CAPS2: variants seen among roughly 807,000 people sequenced by gnomAD.
CAPS2 encodes calcyphosine 2.
A neutral mutation model predicts 86.5 loss-of-function variants in CAPS2; 98 were observed. The observed-to-expected ratio is 1.13, with a 90% confidence interval of 0.96 to 1.34. The LOEUF (loss-of-function observed/expected upper bound fraction) is 1.34, where lower values mean the gene tolerates loss of function less well. Among genes scored for constraint, CAPS2 ranks in the 40% most tolerant of loss-of-function variants. The probability of loss-of-function intolerance (pLI) is 0.00; values close to 1 mark genes in which losing one functional copy is unlikely to be tolerated. For synonymous variants in CAPS2, 210 were observed against 225.1 expected, an observed-to-expected ratio of 0.93 and a Z score of 0.60; for missense variants, 729 against 686.8, an observed-to-expected ratio of 1.06 and a Z score of -0.69.
Position 75,316,169 on chromosome 12 carries a change from TGAG to T in CAPS2, c.591+140_591+142del, listed in dbSNP as rs2039737957. 3.9e-6 allele frequency: 4 copies of T among 1,014,004 alleles called. No homozygotes were observed. The South Asian group carries it at 7.0e-5, about 18-fold the overall frequency. The allele number at this position is 1,014,004 out of a possible 1,614,324, so 62.8% of individuals were successfully genotyped here. On this transcript the variant is annotated intron_variant, in intron 6 of 16. Coordinates refer to ENST00000393284, the Ensembl canonical transcript of CAPS2. ...AATACAATTCAATCATTTATAAAAA[TGAG>T]GACTCAATTTTCCATTAATGAATAT...
Position 75,319,107 on chromosome 12 carries a change from CACATA to C in CAPS2, c.468+2288_468+2292del, listed in dbSNP as rs563414947. ...TCATTATTTTAAAAATATATATGTA[CACATA>C]AGTTTGCATTTTAGGTAACAAAACA... On this transcript the variant is annotated intron_variant, in intron 5 of 16. Transcript: ENST00000393284. 4.1e-3 allele frequency among the ~76,000 whole-genome samples: 625 copies of C among 152,156 alleles called. 3 individuals carry two copies. Among genetic ancestry groups the C allele is most frequent in the African/African-American group, 0.014 (599 of 41,528 alleles).
intron 1 of CAPS2, among the ~76,000 whole-genome samples, chr12:75,366,242 C>A (rs1001586019): frequency 6.6e-6 from 1 of 152,002 alleles, no homozygotes; most frequent in African/African-American, 2.4e-5. Flanking sequence ...ATAGAAAGAT[C>A]CCATTTTTTA....
chr12:75,341,849 A>C (rs11180469), intron 1 of CAPS2, among the ~76,000 whole-genome samples: 1 of 146,718 alleles, frequency 6.8e-6, no homozygotes. Context: ...TCCTAGGTTC[A>C]AGCAATTCTC....
intron 1 of CAPS2, among the ~76,000 whole-genome samples, chr12:75,381,769 C>A (rs1004751657): frequency 1.3e-5 from 2 of 151,926 alleles, no homozygotes; most frequent in East Asian, 3.9e-4. Context: ...CATGTGTCAC[C>A]ATGCCCAGCT....
At chr12:75,381,817 G>T (rs113689330) in intron 1 of CAPS2, among the ~76,000 whole-genome samples, 1 of 151,960 alleles carries the variant, frequency 6.6e-6, no homozygotes, top group African/African-American at 2.4e-5. Flanking sequence ...GTTTCACCAT[G>T]TTGGTCAGGA....
chr12:75,363,386 C>T (rs1566004505), intron 1 of CAPS2, among the ~76,000 whole-genome samples: 1 of 152,110 alleles, frequency 6.6e-6, no homozygotes, highest in Non-Finnish European at 1.5e-5. Flanking sequence ...ATTACTCCCC[C>T]TCTGAAGCTA....
At chr12:75,324,189 A>G (rs2040559590) in intron 2 of CAPS2, among the ~76,000 whole-genome samples, 1 of 152,212 alleles carries the variant, frequency 6.6e-6, no homozygotes, top group Non-Finnish European at 1.5e-5. Context: ...AGTAAATAAA[A>G]ATATTAACCA....
intron 1 of CAPS2, among the ~76,000 whole-genome samples, chr12:75,367,618 A>G (rs1307911547): frequency 6.6e-6 from 1 of 152,030 alleles, no homozygotes; most frequent in African/African-American, 2.4e-5. Context: ...AATTGATTTT[A>G]TTGCCTTAAA....
At chr12:75,342,324 A>G (rs1391046457) in intron 1 of CAPS2, among the ~76,000 whole-genome samples, 1 of 152,238 alleles carries the variant, frequency 6.6e-6, no homozygotes, top group Non-Finnish European at 1.5e-5. Context: ...TACCAATGTC[A>G]ATTTCTTATT....
Position 75,278,149 on chromosome 12 carries a change from T to G in CAPS2, c.*741A>C, listed in dbSNP as rs997287756. ...ATATTGCTCAATAACAATCGTATGCTGGTAAAAAGGATTACAGTTAAAAAG... is the reference window on the plus strand; with the variant it reads ...ATATTGCTCAATAACAATCGTATGCGGGTAAAAAGGATTACAGTTAAAAAG... On this transcript the variant is annotated 3_prime_UTR_variant, in exon 17 of 17. Transcript: ENST00000393284. 4 of 944,856 alleles carry G rather than the reference T, an allele frequency of 4.2e-6. No individual in the cohort carries two copies. In the African/African-American group the frequency reaches 5.3e-5, roughly 13 times the overall value. 58.5% of individuals were successfully genotyped at this position (944,856 alleles called of 1,614,324 possible).
upstream of CAPS2, chr12:75,334,924 G>T (rs1442492230): frequency 1.9e-6 from 3 of 1,606,774 alleles, no homozygotes; most frequent in East Asian, 4.5e-5. Flanking sequence ...CCAGGGCTGG[G>T]CTCTTAAATC....
At chr12:75,359,361 T>A (rs2043403353) in intron 1 of CAPS2, among the ~76,000 whole-genome samples, 3 of 130,436 alleles carry the variant, frequency 2.3e-5, no homozygotes, top group African/African-American at 8.7e-5. Context: ...TGTTGTCTTT[T>A]TTTTTTTTTT....
intron 1 of CAPS2, chr12:75,366,735 C>T: frequency 1.6e-6 from 1 of 607,252 alleles, no homozygotes. Flanking sequence ...GGTGAGACTG[C>T]AGTGTTTTAC....
intron 13 of CAPS2, among the ~76,000 whole-genome samples, chr12:75,291,033 C>T (rs557158326): frequency 3.9e-5 from 6 of 152,116 alleles, no homozygotes; most frequent in African/African-American, 1.4e-4. Context: ...ACTGTCTAAT[C>T]GAGTCTACCA....
At chr12:75,345,097 T>A (rs973193392) in intron 1 of CAPS2, among the ~76,000 whole-genome samples, 4 of 152,102 alleles carry the variant, frequency 2.6e-5, no homozygotes, top group African/African-American at 9.7e-5. Flanking sequence ...TGTGTCACTG[T>A]ACAATTCTCA....
exon 16 of CAPS2, chr12:75,282,315 G>T (rs1287257924): frequency 6.2e-7 from 1 of 1,606,234 alleles, no homozygotes; most frequent in Admixed American, 1.7e-5. Context: ...TAGGCACACT[G>T]CCACTTTTGT....
intron 15 of CAPS2, among the ~76,000 whole-genome samples, chr12:75,283,813 CAAAA>C (rs1470297894): frequency 1.3e-5 from 2 of 151,784 alleles, no homozygotes; most frequent in Non-Finnish European, 2.9e-5. Context: ...GACTCCACCT[CAAAA>C]AAATAAATAA....
chr12:75,348,176 T>C (rs1166226162), intron 1 of CAPS2, among the ~76,000 whole-genome samples: 1 of 152,162 alleles, frequency 6.6e-6, no homozygotes, highest in Non-Finnish European at 1.5e-5. Context: ...AAATATAGCA[T>C]AAGCTTAAAG....
In CAPS2 at chr12:75,323,401, A is replaced by T. The variant is rs562488127; in HGVS notation, c.132-179T>A. On this transcript the variant is annotated intron_variant, in intron 2 of 16. Coordinates refer to ENST00000393284, the Ensembl canonical transcript of CAPS2. The stretch of plus-strand genomic sequence containing the variant: ...TAATTTTTAACTGGTTGTTAAACAC[A>T]TCCATCATTAAAAATACATATAAAT... 2.9e-3 allele frequency among the ~76,000 whole-genome samples: 442 copies of T among 152,140 alleles called. 1 individual carries two copies. The highest frequency in any genetic ancestry group is 9.7e-3 in the African/African-American group (405 of 41,554).
Sources: allele counts gnomAD v4.1 joint callset (sites outside exome capture counted in the v4.1 genomes callset), GRCh38; gene constraint gnomAD v4.1.1; transcripts MANE v1.5; gene names NCBI Gene and HGNC (gene_info 2026-07-23, HGNC 2026-07-21).